The following ANKRD27 variants were observed in gnomAD, a reference collection of about 807,000 sequenced individuals.
ANKRD27 encodes the protein ankyrin repeat domain 27, also known as ankyrin repeat domain-containing protein 27.
ANKRD27 carries 112 observed loss-of-function variants against 129.7 expected under a neutral mutation model. The ratio of observed to expected loss-of-function variants is 0.86; its 90% CI spans 0.74 to 1.01. The LOEUF (loss-of-function observed/expected upper bound fraction) is 1.01, where lower values mean the gene tolerates loss of function less well. ANKRD27 is among the 50% of genes least tolerant of loss of function. ANKRD27 has a pLI of 0.00. For missense variants in ANKRD27, 1,258 were observed against 1,300.5 expected (o/e 0.97, Z 0.50); for synonymous variants, 516 against 511.2 (o/e 1.01, Z -0.13).
intron 3 of ANKRD27, among the ~76,000 whole-genome samples, chr19:32,647,692 G>C (rs1041377224): frequency 1.3e-5 from 2 of 152,200 alleles, no homozygotes; most frequent in African/African-American, 4.8e-5. Flanking sequence ...GCTCACCCCA[G>C]CTGTCAGTCA....
rs1322028849 is a variant in ANKRD27 at position 32,621,536 on chromosome 19, G to A, written c.1827+886C>T. 1.3e-5 allele frequency among the ~76,000 whole-genome samples: 2 copies of A among 152,156 alleles called. 1 individual carries two copies. The highest frequency in any genetic ancestry group is 2.9e-5 in the Non-Finnish European group (2 of 68,036). The stretch of plus-strand genomic sequence containing the variant: ...CCAGCTGCTAGGGAGGCTGAAGTAG[G>A]AGAATCACTTGAACCTAGGAAGTGG... On this transcript the variant is annotated intron_variant, in intron 18 of 28. Coordinates refer to ENST00000306065, the MANE Select transcript of ANKRD27 (RefSeq NM_032139.3).
intron 22 of ANKRD27, chr19:32,608,540 G>A (rs1599736018): frequency 5.2e-6 from 1 of 192,892 alleles, no homozygotes; most frequent in South Asian, 7.7e-5. Flanking sequence ...ATTAAAGGCT[G>A]AATTTTATTA....
chr19:32,600,102 T>G (rs973899814), intron 26 of ANKRD27, 52 bp from the exon 27 acceptor site: 35 of 1,303,900 alleles, frequency 2.7e-5, no homozygotes, highest in Non-Finnish European at 3.9e-5. Context: ...TTGTAAAGAT[T>G]ATTTTAAAAT....
At position 32,625,610 on chromosome 19, in the gene ANKRD27, T is replaced by C. The variant is rs1219377638; in HGVS notation, c.1629+264A>G. Among the ~76,000 whole-genome samples, 3 of 152,036 alleles carry C rather than the reference T, an allele frequency of 2.0e-5. No individual in the cohort carries two copies. The East Asian group carries it at 5.8e-4, about 30-fold the overall frequency. The stretch of plus-strand genomic sequence containing the variant: ...CACGCCCTGCTAATTTTTGTATTTT[T>C]AGTTGAGATGGGGGTTTCACCATGT... On this transcript the variant is annotated intron_variant, in intron 17 of 28. Transcript: ENST00000306065.
chr19:32,637,027 C>T (rs1011811165), intron 12 of ANKRD27, among the ~76,000 whole-genome samples: 4 of 152,120 alleles, frequency 2.6e-5, no homozygotes, highest in South Asian at 2.1e-4. Context: ...GGATTACAGG[C>T]GTGAGCCACC....
chr19:32,634,829 C>G (rs1268387808), intron 12 of ANKRD27, among the ~76,000 whole-genome samples: 1 of 152,124 alleles, frequency 6.6e-6, no homozygotes, highest in Non-Finnish European at 1.5e-5. Flanking sequence ...GCAGGAGAAT[C>G]GCTTGAACCC....
intron 1 of ANKRD27, among the ~76,000 whole-genome samples, chr19:32,664,976 T>G (rs904689251): frequency 2.0e-5 from 3 of 151,858 alleles, no homozygotes; most frequent in Admixed American, 2.0e-4. Context: ...TTTTTATTCT[T>G]AAGTCTTTAA....
At chr19:32,635,926 G>A (rs957876306) in intron 12 of ANKRD27, among the ~76,000 whole-genome samples, 5 of 152,254 alleles carry the variant, frequency 3.3e-5, no homozygotes, top group Admixed American at 6.5e-5. Context: ...ATTCAGCTGC[G>A]TCCGTGACCC....
intron 17 of ANKRD27, among the ~76,000 whole-genome samples, chr19:32,624,728 T>C (rs1463076190): frequency 1.3e-5 from 2 of 151,386 alleles, no homozygotes; most frequent in Non-Finnish European, 2.9e-5. Flanking sequence ...ATTACTTGAG[T>C]TCAGGAATGT....
intron 2 of ANKRD27, among the ~76,000 whole-genome samples, chr19:32,656,127 G>GAAAAGAAAAGAA (rs1967531901): frequency 9.5e-6 from 1 of 105,454 alleles, no homozygotes; most frequent in African/African-American, 3.1e-5. Context: ...GAAAAGAAAA[G>GAAAAGAAAAGAA]AAAAGAAAAG....
chr19:32,647,264 G>A (rs572931550), intron 3 of ANKRD27, among the ~76,000 whole-genome samples: 6 of 152,338 alleles, frequency 3.9e-5, no homozygotes, highest in African/African-American at 1.4e-4. Flanking sequence ...TTTGTCTGAT[G>A]TTTCCTGACA....
chr19:32,645,702 G>A (rs982775097), intron 4 of ANKRD27, among the ~76,000 whole-genome samples: 4 of 151,786 alleles, frequency 2.6e-5, no homozygotes, highest in Non-Finnish European at 5.9e-5. Flanking sequence ...GTGCGATCTC[G>A]GCTCACCACA....
intron 13 of ANKRD27, 74 bp downstream of exon 13, chr19:32,631,328 G>A: frequency 7.1e-7 from 1 of 1,401,258 alleles, no homozygotes; most frequent in Non-Finnish European, 1.0e-6. Flanking sequence ...CAACCCTGAT[G>A]GATTTTATAG....
At chr19:32,648,532 G>T (rs1967346199) in intron 3 of ANKRD27, among the ~76,000 whole-genome samples, 1 of 152,232 alleles carries the variant, frequency 6.6e-6, no homozygotes, top group African/African-American at 2.4e-5. Flanking sequence ...CAGGCGCGGT[G>T]GCGCACGCCT....
chr19:32,659,387 C>T (rs1226346809), intron 1 of ANKRD27, among the ~76,000 whole-genome samples: 2 of 152,110 alleles, frequency 1.3e-5, no homozygotes, highest in Non-Finnish European at 2.9e-5. Flanking sequence ...CGACCTGCAT[C>T]TGGCAATTTC....
chr19:32,602,021 T>G lies in ANKRD27; in HGVS notation c.2761A>C (p.Lys921Gln). 1 of 1,609,102 alleles carries G rather than the reference T, an allele frequency of 6.2e-7. No individual in the cohort carries two copies. Among genetic ancestry groups the G allele is most frequent in the Non-Finnish European group, 8.5e-7 (1 of 1,176,738 alleles). Residue 921 changes from lysine (K) to glutamine (Q), a missense_variant, in exon 26 of 29, where the codon AAA becomes CAA. Coordinates refer to ENST00000306065, the MANE Select transcript of ANKRD27 (RefSeq NM_032139.3). ...AAAGAACGTAAACTCTTACATTTTTTCCTGATCTTAACAGTGACATACTCC... is the reference window on the plus strand; with the variant it reads ...AAAGAACGTAAACTCTTACATTTTTGCCTGATCTTAACAGTGACATACTCC... ...RKEYVTVKIRKKWNSKLYDLP... is the reference protein window; with the variant it reads ...RKEYVTVKIRQKWNSKLYDLP...
intron 14 of ANKRD27, 93 bp from the exon 15 acceptor site, chr19:32,628,258 A>G: frequency 9.3e-7 from 1 of 1,069,920 alleles, no homozygotes; most frequent in Non-Finnish European, 1.4e-6. Flanking sequence ...CACAGACAGA[A>G]GGCGGCTCAC....
At chr19:32,641,625 T>C (rs556805866) in intron 10 of ANKRD27, among the ~76,000 whole-genome samples, 2 of 152,128 alleles carry the variant, frequency 1.3e-5, no homozygotes, top group South Asian at 4.1e-4. Context: ...CTATCCCCCA[T>C]TCTTTGATGC....
intron 17 of ANKRD27, among the ~76,000 whole-genome samples, chr19:32,624,737 G>GT (rs1220724976): frequency 2.0e-5 from 3 of 151,586 alleles, no homozygotes; most frequent in African/African-American, 7.3e-5. Context: ...GTTCAGGAAT[G>GT]TAAGACCAGC....
Sources: gnomAD v4.1 joint callset for allele counts (sites outside exome capture counted in the v4.1 genomes callset) on GRCh38, gnomAD v4.1.1 for gene constraint, MANE v1.5 for transcripts, NCBI Gene and HGNC (gene_info 2026-07-23, HGNC 2026-07-21) for gene names.